PGM2L1: variants seen among roughly 807,000 people sequenced by gnomAD.
PGM2L1 encodes phosphoglucomutase 2 like 1, also known as glucose 1,6-bisphosphate synthase.
A neutral mutation model predicts 73.4 loss-of-function variants in PGM2L1; 35 were observed. The observed-to-expected ratio is 0.48, with a 90% CI of 0.36 to 0.63. The LOEUF is 0.63. Among genes scored for constraint, PGM2L1 ranks in the 30% least tolerant of loss-of-function variants. The pLI is 0.00. For missense variants in PGM2L1, 570 were observed against 742.0 expected (o/e 0.77, Z 2.69); for synonymous variants, 225 against 253.8 (o/e 0.89, Z 1.08).
intron 1 of PGM2L1, among the ~76,000 whole-genome samples, chr11:74,381,248 G>A (rs1862938437): frequency 6.6e-6 from 1 of 152,116 alleles, no homozygotes; most frequent in African/African-American, 2.4e-5. Flanking sequence ...AGCCTCCCTT[G>A]GAGCTAAATG....
At chr11:74,377,639 A>G (rs946559524) in intron 1 of PGM2L1, among the ~76,000 whole-genome samples, 1 of 152,204 alleles carries the variant, frequency 6.6e-6, no homozygotes, top group South Asian at 2.1e-4. Flanking sequence ...TTTCAAGTAG[A>G]AAAGTGACTT....
chr11:74,392,770 G>A (rs2134957507), intron 1 of PGM2L1, among the ~76,000 whole-genome samples: 1 of 152,302 alleles, frequency 6.6e-6, no homozygotes, highest in Admixed American at 6.5e-5. Context: ...TCGATCTCCT[G>A]ACCTTGTGAT....
chr11:74,383,824 A>AATAAATATATATATATATATATATATAT (rs61026077), intron 1 of PGM2L1, among the ~76,000 whole-genome samples: 152 of 121,770 alleles, frequency 1.2e-3, no homozygotes, highest in African/African-American at 4.1e-3. Context: ...TATATAAATA[A>AATAAATATATATATATATATATATATAT]ATATATATAT....
At chr11:74,338,688 T>C in intron 12 of PGM2L1, 87 bp from the exon 13 acceptor site, 1 of 1,411,572 alleles carries the variant, frequency 7.1e-7, no homozygotes. Context: ...TATAGTCCAC[T>C]TATATGAGGT....
intron 1 of PGM2L1, among the ~76,000 whole-genome samples, chr11:74,390,555 T>C (rs1381111108): frequency 6.6e-6 from 1 of 152,216 alleles, no homozygotes; most frequent in Admixed American, 6.5e-5. Context: ...TAAAGATTTT[T>C]GGGTCAAGAT....
intron 5 of PGM2L1, 85 bp from the exon 6 acceptor site, chr11:74,351,661 T>G: frequency 1.6e-6 from 2 of 1,244,306 alleles, no homozygotes; most frequent in Non-Finnish European, 2.2e-6. Context: ...TCAGCTTTAT[T>G]AAAAAGCATA....
At chr11:74,397,332 T>C (rs1863191133) in intron 1 of PGM2L1, among the ~76,000 whole-genome samples, 1 of 150,504 alleles carries the variant, frequency 6.6e-6, no homozygotes. Context: ...CGAGGTTTAA[T>C]TACCACCACA....
chr11:74,366,154 T>C lies in PGM2L1; in HGVS notation c.555+2338A>G, dbSNP rs11823951. Among the ~76,000 whole-genome samples, 299 of 151,632 alleles carry C rather than the reference T, an allele frequency of 2.0e-3. 2 individuals are homozygous for C. Among genetic ancestry groups the C allele is most frequent in the African/African-American group, 6.7e-3 (277 of 41,334 alleles). On this transcript the variant is annotated intron_variant, in intron 5 of 13. Coordinates refer to ENST00000298198, the MANE Select transcript of PGM2L1 (RefSeq NM_173582.6). ...ACATGTTCTCATTCATAGGTGGGAA[T>C]TGAACAATGAGAACACTTGGACACA...
At chr11:74,353,520 T>C (rs1040465275) in intron 5 of PGM2L1, among the ~76,000 whole-genome samples, 4 of 151,162 alleles carry the variant, frequency 2.6e-5, no homozygotes, top group Non-Finnish European at 5.9e-5. Flanking sequence ...TACTTGAGAT[T>C]AGGGAGTAGT....
intron 12 of PGM2L1, among the ~76,000 whole-genome samples, chr11:74,340,898 C>T (rs1484512340): frequency 6.6e-6 from 1 of 151,730 alleles, no homozygotes; most frequent in Non-Finnish European, 1.5e-5. Flanking sequence ...AATGGGTAAA[C>T]TAAGGAAACA....
At position 74,342,513 on chromosome 11, in the gene PGM2L1, T is replaced by A; in HGVS notation, c.1580A>T (p.His527Leu). The A allele has an allele frequency of 6.2e-7, 1 of 1,608,566 alleles. No individual in the cohort carries two copies. Among genetic ancestry groups the A allele is most frequent in the Non-Finnish European group, 8.5e-7 (1 of 1,177,440 alleles). ...PKFCGTFAIL[H>L]VRDVTTGYDS... ...ATATCCAGTGGTAACGTCCCGTACATGCAATATAGCAAATGTTCCACAAAA... is the reference window on the plus strand; with the variant it reads ...ATATCCAGTGGTAACGTCCCGTACAAGCAATATAGCAAATGTTCCACAAAA... Residue 527 changes from histidine to leucine, a missense_variant, in exon 12 of 14, where the codon CAT becomes CTT. His to Leu is a moderately conservative substitution (Grantham distance 99). Transcript: ENST00000298198.
intron 1 of PGM2L1, among the ~76,000 whole-genome samples, chr11:74,392,348 G>A (rs559834215): frequency 4.3e-3 from 653 of 151,332 alleles, no homozygotes; most frequent in Middle Eastern, 0.01. Context: ...GAAGTATAAA[G>A]AAAAAAATGA....
Position 74,345,550 on chromosome 11 carries a change from C to T in PGM2L1, c.1137G>A (p.Val379=). 6.2e-7 allele frequency: 1 copy of T among 1,613,402 alleles called. No homozygotes were observed. ...TGGTGGCTAACATATAAACGTTCTT[C>T]ACATCAGCATTTCTTGATTTATTTT... ...WKKNKSRNAD[V]KNVYMLATTV... The change falls in exon 9 of 14, where the codon GTG becomes GTA. Residue 379 remains valine (V), a synonymous_variant. Transcript: ENST00000298198.
At chr11:74,345,440 A>G (rs1392316086) in intron 9 of PGM2L1, 29 bp downstream of exon 9, 1 of 1,559,450 alleles carries the variant, frequency 6.4e-7, no homozygotes, top group Non-Finnish European at 8.8e-7. Flanking sequence ...GGTTTTAAAA[A>G]GTAGCACACA....
At chr11:74,339,966 C>A (rs965483270) in intron 12 of PGM2L1, among the ~76,000 whole-genome samples, 22 of 152,184 alleles carry the variant, frequency 1.4e-4, no homozygotes, top group Non-Finnish European at 2.9e-5. Context: ...ATGCATGCCT[C>A]CCCTGGTAGC....
chr11:74,335,139 T>TG lies in PGM2L1; in HGVS notation c.*1512dup. On this transcript the variant is annotated 3_prime_UTR_variant, in exon 14 of 14. Coordinates refer to ENST00000298198, the MANE Select transcript of PGM2L1 (RefSeq NM_173582.6). The stretch of plus-strand genomic sequence containing the variant: ...AGCCAAAAGTGACTTTTTTTTTTTT[T>TG]GAGATGGAGTCTCCCTCTGTTGCCC... The TG allele has an allele frequency of 6.6e-6, 1 of 151,992 alleles. No homozygotes were observed. Among genetic ancestry groups the TG allele is most frequent in the African/African-American group, 2.4e-5 (1 of 41,428 alleles). 9.4% of individuals were successfully genotyped at this position (151,992 alleles called of 1,614,324 possible). A position where few individuals can be genotyped will look rare whatever the true frequency, so the allele number is the denominator to read the frequency against.
intron 4 of PGM2L1, 131 bp downstream of exon 4, chr11:74,370,771 G>T: frequency 1.8e-6 from 1 of 555,098 alleles, no homozygotes; most frequent in African/African-American, 1.9e-5. Flanking sequence ...AGCAAAATTT[G>T]TTTTCCTTCC....
chr11:74,346,868 AC>A, intron 7 of PGM2L1, 39 bp from the exon 8 acceptor site: 2 of 1,461,782 alleles, frequency 1.4e-6, no homozygotes, highest in South Asian at 2.3e-5. Context: ...GTACTGAAGA[AC>A]CTAAGTTCAA....
At chr11:74,365,403 T>G (rs1145684) in intron 5 of PGM2L1, among the ~76,000 whole-genome samples, 87,487 of 148,436 alleles carry the variant, frequency 0.59, 26,312 homozygotes, top group East Asian at 0.81. Flanking sequence ...CACAGCAAAA[T>G]AAACTACCAT....
Sources: gnomAD v4.1 joint callset for allele counts (sites outside exome capture counted in the v4.1 genomes callset) on GRCh38, gnomAD v4.1.1 for gene constraint, MANE v1.5 for transcripts, NCBI Gene and HGNC (gene_info 2026-07-23, HGNC 2026-07-21) for gene names.